The following RHOBTB2 variants were observed in gnomAD, a reference collection of about 807,000 sequenced individuals.
RHOBTB2 encodes the protein rho-related BTB domain-containing protein 2.
Under a neutral mutation model 66.5 loss-of-function variants are expected in RHOBTB2, and 39 were observed. That is an observed-to-expected ratio of 0.59 (90% confidence interval 0.45 to 0.77). The LOEUF (loss-of-function observed/expected upper bound fraction) is 0.77, where lower values mean the gene tolerates loss of function less well. Ranked by LOEUF, RHOBTB2 falls within the 30% of genes least tolerant of loss-of-function variation. The pLI is 0.00. For missense variants in RHOBTB2, 755 were observed against 999.1 expected (o/e 0.76, Z 3.29); for synonymous variants, 390 against 395.0 (o/e 0.99, Z 0.15).
At chr8:22,988,643 G>C (rs1285176117) in intron 1 of RHOBTB2, among the ~76,000 whole-genome samples, 4 of 152,084 alleles carry the variant, frequency 2.6e-5, no homozygotes, top group African/African-American at 9.7e-5. Context: ...CCTTTCTGTA[G>C]CCACACTTGG....
the RHOBTB2 span, among the ~76,000 whole-genome samples, chr8:22,972,184 C>T: frequency 1.3e-5 from 2 of 152,294 alleles, no homozygotes; most frequent in Middle Eastern, 3.4e-3. Context: ...CCTGGATGTT[C>T]CAAACCAACT....
intron 7 of RHOBTB2, among the ~76,000 whole-genome samples, chr8:23,014,011 G>C (rs1046854897): frequency 1.3e-5 from 2 of 152,158 alleles, no homozygotes; most frequent in African/African-American, 4.8e-5. Context: ...CATTTCTCCA[G>C]GAAGTCCTAG....
chr8:22,964,338 T>C, the RHOBTB2 span, among the ~76,000 whole-genome samples: 1 of 152,152 alleles, frequency 6.6e-6, no homozygotes, highest in Non-Finnish European at 1.5e-5. Context: ...CATTCATTCC[T>C]AATATTAAAA....
the RHOBTB2 span, among the ~76,000 whole-genome samples, chr8:22,969,079 T>C: frequency 3.3e-5 from 5 of 152,174 alleles, no homozygotes; most frequent in Admixed American, 3.3e-4. Flanking sequence ...TTTAATGGAC[T>C]CACAGTTCCA....
the RHOBTB2 span, among the ~76,000 whole-genome samples, chr8:22,979,248 T>C: frequency 6.6e-6 from 1 of 152,232 alleles, no homozygotes; most frequent in Non-Finnish European, 1.5e-5. Flanking sequence ...ATTTGTTTAT[T>C]ATTTTGGTAA....
the RHOBTB2 span, among the ~76,000 whole-genome samples, chr8:22,968,355 GA>G: frequency 2.0e-5 from 3 of 151,828 alleles, no homozygotes; most frequent in Admixed American, 6.6e-5. Context: ...GTTTATTAAA[GA>G]AATCTTAACT....
At chr8:22,995,430 AG>A (rs1810523599), upstream of RHOBTB2, among the ~76,000 whole-genome samples, 1 of 152,246 alleles carries the variant, frequency 6.6e-6, no homozygotes, top group African/African-American at 2.4e-5. Flanking sequence ...AGAACAGGAA[AG>A]TTACACTTTG....
chr8:22,957,915 T>C, the RHOBTB2 span, among the ~76,000 whole-genome samples: 1 of 152,104 alleles, frequency 6.6e-6, no homozygotes, highest in Non-Finnish European at 1.5e-5. Flanking sequence ...TGCTAAGCCA[T>C]GGAGGTTTGG....
the RHOBTB2 span, among the ~76,000 whole-genome samples, chr8:22,951,473 A>T: frequency 2.0e-5 from 3 of 152,116 alleles, no homozygotes; most frequent in Non-Finnish European, 4.4e-5. Flanking sequence ...GCTGAATCCG[A>T]AAAGAGAGTC....
chr8:23,012,019 G>A (rs2128806867), intron 7 of RHOBTB2, among the ~76,000 whole-genome samples: 1 of 152,296 alleles, frequency 6.6e-6, no homozygotes, highest in Non-Finnish European at 1.5e-5. Context: ...GGGAGTCCAG[G>A]GTCCCCAGAA....
rs1810898275 is a variant in RHOBTB2, at chr8:23,004,765, A to G, written c.192+139A>G. 3 of 787,288 alleles carry G rather than the reference A, an allele frequency of 3.8e-6. No individual in the cohort carries two copies. The South Asian group carries it at 5.1e-5, about 13-fold the overall frequency. The allele number at this position is 787,288 out of a possible 1,614,324, so 48.8% of individuals were successfully genotyped here. A position where few individuals can be genotyped will look rare whatever the true frequency, so the allele number is the denominator to read the frequency against. ...CAGGATGGGTTGGGGGCAGCTGAAG[A>G]GGAAGGAGCCCCTGGAGAGAGGTTT... On this transcript the variant is annotated intron_variant, in intron 2 of 9. Coordinates refer to ENST00000251822, the MANE Select transcript of RHOBTB2 (RefSeq NM_015178.3). The surrounding 1 kb of genome is among the most constrained non-coding windows in gnomAD (Gnocchi z 6.4).
At chr8:22,980,335 G>T in the RHOBTB2 span, among the ~76,000 whole-genome samples, 2 of 152,034 alleles carry the variant, frequency 1.3e-5, no homozygotes, top group Non-Finnish European at 2.9e-5. Context: ...CAATTTGATA[G>T]GTTAAAAATT....
chr8:22,987,071 CCCTGGCTGTAGG>C (rs1810301839), upstream of RHOBTB2, among the ~76,000 whole-genome samples: 1 of 152,246 alleles, frequency 6.6e-6, no homozygotes, highest in Admixed American at 6.5e-5. Context: ...ATAACTTGTT[CCCTGGCTGTAGG>C]CCAGGCTCTC....
At chr8:22,954,912 A>T in the RHOBTB2 span, among the ~76,000 whole-genome samples, 12 of 152,220 alleles carry the variant, frequency 7.9e-5, no homozygotes, top group African/African-American at 2.9e-4. Context: ...TGGGCAGATC[A>T]CTTGAGGTCA....
intron 7 of RHOBTB2, among the ~76,000 whole-genome samples, chr8:23,014,210 C>A (rs1811224663): frequency 6.6e-6 from 1 of 152,334 alleles, no homozygotes; most frequent in South Asian, 2.1e-4. Context: ...GTGTTTACTT[C>A]TTCAATATAA....
At chr8:22,953,040 A>T in the RHOBTB2 span, among the ~76,000 whole-genome samples, 1 of 152,184 alleles carries the variant, frequency 6.6e-6, no homozygotes, top group African/African-American at 2.4e-5. Context: ...CTTCTGGGGA[A>T]TTGCATCCCT....
chr8:23,015,667 G>C lies in RHOBTB2; in HGVS notation c.1890G>C (p.Trp630Cys). Residue 630 changes from tryptophan to cysteine, a missense_variant, in exon 9 of 10, where the codon TGG (tryptophan) becomes TGC (cysteine). By Grantham distance (215) the Trp-to-Cys change is radical (BLOSUM62 -2). Coordinates refer to ENST00000251822, the MANE Select transcript of RHOBTB2 (RefSeq NM_015178.3). ...ACTGTGCGTACCAGCTGGCCGACTG[G>C]TGTCTCCACCACATCTGCACCAACT... Reference protein sequence around the residue: ...QFHCAYQLADWCLHHICTNYN... With the variant: ...QFHCAYQLADCCLHHICTNYN... The C allele has an allele frequency of 1.2e-6, 2 of 1,613,906 alleles. No individual in the cohort carries two copies. The highest frequency in any genetic ancestry group is 1.7e-6 in the Non-Finnish European group (2 of 1,179,844).
At chr8:23,001,336 G>A (rs1810772989) in intron 1 of RHOBTB2, among the ~76,000 whole-genome samples, 1 of 148,920 alleles carries the variant, frequency 6.7e-6, no homozygotes, top group Non-Finnish European at 1.5e-5. Flanking sequence ...AAGCTGAGAG[G>A]CTCACTGAAT....
intron 1 of RHOBTB2, among the ~76,000 whole-genome samples, chr8:23,003,751 G>C (rs879609043): frequency 6.6e-6 from 1 of 152,222 alleles, no homozygotes; most frequent in Non-Finnish European, 1.5e-5. Flanking sequence ...GGAGGCCCCT[G>C]GGCTGGTCAG....
Sources: allele counts gnomAD v4.1 joint callset (sites outside exome capture counted in the v4.1 genomes callset), GRCh38; gene constraint gnomAD v4.1.1; non-coding constraint Gnocchi (gnomAD v3.1); transcripts MANE v1.5; gene names NCBI Gene and HGNC (gene_info 2026-07-23, HGNC 2026-07-21).